HMGCS2: variants seen among roughly 807,000 people sequenced by gnomAD.
The protein encoded by HMGCS2 is hydroxymethylglutaryl-CoA synthase, mitochondrial.
Under a neutral mutation model 57.4 loss-of-function variants are expected in HMGCS2, and 50 were observed. The ratio of observed to expected loss-of-function variants is 0.87; its 90% CI spans 0.69 to 1.10. HMGCS2 has a LOEUF of 1.10. HMGCS2 is among the 50% of genes least tolerant of loss of function. The pLI is 0.00. For missense variants in HMGCS2, 627 were observed against 636.5 expected, an observed-to-expected ratio of 0.99 and a Z score of 0.16; for synonymous variants, 254 against 245.1, an observed-to-expected ratio of 1.04 and a Z score of -0.34.
chr1:119,749,572 C>A (rs866147465), intron 9 of HMGCS2, among the ~76,000 whole-genome samples: 29 of 152,152 alleles, frequency 1.9e-4, no homozygotes, highest in South Asian at 6.2e-4. Context: ...TCAAAGGCAT[C>A]CTGCGGCCCT....
chr1:119,748,570 A>T lies in HMGCS2; in HGVS notation c.*277T>A, dbSNP rs893973335. ...GCACATTTCTGGAGTCCAGTGATTC[A>T]GGAAGAGGTCTTCTCTCCATTGCTC... On this transcript the variant is annotated 3_prime_UTR_variant, in exon 10 of 10. Transcript: ENST00000369406. The T allele has an allele frequency of 1.3e-5, 2 of 152,230 alleles. No homozygotes were observed. Among genetic ancestry groups the T allele is most frequent in the African/African-American group, 4.8e-5 (2 of 41,444 alleles). The allele number at this position is 152,230 out of a possible 1,614,324, so 9.4% of individuals were successfully genotyped here. A position where few individuals can be genotyped will look rare whatever the true frequency, so the allele number is the denominator to read the frequency against.
At chr1:119,756,972 C>T (rs587624512) in intron 5 of HMGCS2, among the ~76,000 whole-genome samples, 1 of 152,292 alleles carries the variant, frequency 6.6e-6, no homozygotes, top group Admixed American at 6.5e-5. Context: ...TAGCTACTCT[C>T]TTTCTCCCTT....
In HMGCS2 at chr1:119,755,220, C is replaced by T. The variant is rs587725971; in HGVS notation, c.1187+207G>A. 2.6e-4 allele frequency among the ~76,000 whole-genome samples: 39 copies of T among 152,236 alleles called. 1 individual carries two copies. The highest frequency in any genetic ancestry group is 1.6e-3 in the Admixed American group (24 of 15,282). ...ATGAGGTTTCACCACGTTGCCCAGGCGGGTCTCGAACTCCTAGGTTCAGGC... is the reference window on the plus strand; with the variant it reads ...ATGAGGTTTCACCACGTTGCCCAGGTGGGTCTCGAACTCCTAGGTTCAGGC... On this transcript the variant is annotated intron_variant, in intron 6 of 9. Coordinates refer to ENST00000369406, the MANE Select transcript of HMGCS2 (RefSeq NM_005518.4).
intron 2 of HMGCS2, among the ~76,000 whole-genome samples, chr1:119,762,411 TG>T (rs1360776322): frequency 6.6e-6 from 1 of 151,102 alleles, no homozygotes; most frequent in African/African-American, 2.4e-5. Flanking sequence ...TGTATGTGTA[TG>T]TTTTTTTCCA....
intron 4 of HMGCS2, 105 bp downstream of exon 4, chr1:119,759,013 C>T (rs1652943107): frequency 3.6e-6 from 4 of 1,115,550 alleles, no homozygotes; most frequent in South Asian, 2.5e-5. Flanking sequence ...ATTCTCTTGA[C>T]ATTATTTTCA....
At chr1:119,752,511 T>C in intron 8 of HMGCS2, 38 bp downstream of exon 8, 4 of 1,609,524 alleles carry the variant, frequency 2.5e-6, no homozygotes, top group Non-Finnish European at 1.7e-6. Flanking sequence ...GCTACTGGAA[T>C]GGGGTCTCTC....
intron 5 of HMGCS2, among the ~76,000 whole-genome samples, 170 bp downstream of exon 5, chr1:119,757,103 C>T (rs1652866895): frequency 6.6e-6 from 1 of 152,130 alleles, no homozygotes; most frequent in South Asian, 2.1e-4. Context: ...AGGGCCCTAC[C>T]CAGACAATAA....
chr1:119,768,149 T>A (rs922508789), intron 1 of HMGCS2, among the ~76,000 whole-genome samples: 6 of 152,206 alleles, frequency 3.9e-5, no homozygotes, highest in South Asian at 4.1e-4. Context: ...TGTGTTACCA[T>A]CATCGCTGAC....
chr1:119,767,289 T>C (rs752515143), intron 1 of HMGCS2, among the ~76,000 whole-genome samples: 11 of 152,004 alleles, frequency 7.2e-5, no homozygotes, highest in Non-Finnish European at 7.4e-5. Context: ...TTTCAGTGGG[T>C]TGGAGGATCA....
chr1:119,760,079 T>A, intron 2 of HMGCS2, 90 bp from the exon 3 acceptor site: 1 of 1,200,952 alleles, frequency 8.3e-7, no homozygotes, highest in Non-Finnish European at 1.2e-6. Context: ...TTCTAGGTCC[T>A]GGATATAGAG....
intron 4 of HMGCS2, 40 bp downstream of exon 4, chr1:119,759,078 G>A (rs373086836): frequency 2.4e-4 from 389 of 1,607,076 alleles, no homozygotes; most frequent in Non-Finnish European, 3.1e-4. Context: ...CTTGGCCTAT[G>A]TAAATAGAGC....
At chr1:119,755,066 G>A (rs2101253361) in intron 6 of HMGCS2, among the ~76,000 whole-genome samples, 1 of 151,776 alleles carries the variant, frequency 6.6e-6, no homozygotes, top group South Asian at 2.1e-4. Context: ...ATCCAGGTTG[G>A]AGTCCAATGA....
rs747387561 is a variant in HMGCS2, at chr1:119,759,846, T to C, written c.685+18A>G. On this transcript the variant is annotated intron_variant, in intron 3 of 9. Coordinates refer to ENST00000369406, the MANE Select transcript of HMGCS2 (RefSeq NM_005518.4). The stretch of plus-strand genomic sequence containing the variant: ...GGCTATGCCATGCACAGCCTCTTGG[T>C]AATGGATTACTACAAACCTCGCTCC... 130 of 1,613,772 alleles carry C rather than the reference T, an allele frequency of 8.1e-5. No individual in the cohort carries two copies. The highest frequency in any genetic ancestry group is 1.1e-4 in the Non-Finnish European group (127 of 1,179,864).
In HMGCS2 at chr1:119,758,777, C is replaced by T. The variant is rs141549784; in HGVS notation, c.850+341G>A. 2.2e-4 allele frequency among the ~76,000 whole-genome samples: 34 copies of T among 152,348 alleles called. No homozygotes were observed. In the East Asian group the frequency reaches 5.4e-3, roughly 24 times the overall value. On this transcript the variant is annotated intron_variant, in intron 4 of 9. Transcript: ENST00000369406. ...AAGAGCCAAACCATGCCTGACTTAA[C>T]CAGAAACAAATGCCAACCACTGTCG...
chr1:119,768,637 A>C, intron 1 of HMGCS2, 104 bp downstream of exon 1: 1 of 842,004 alleles, frequency 1.2e-6, no homozygotes, highest in African/African-American at 1.7e-5. Flanking sequence ...GCTGCTGTGC[A>C]CAAGCCTTGC....
chr1:119,755,723 C>T (rs1652817370), intron 5 of HMGCS2, 126 bp from the exon 6 acceptor site: 1 of 855,878 alleles, frequency 1.2e-6, no homozygotes, highest in African/African-American at 1.7e-5. Context: ...TTTGGAAATA[C>T]AGAACAGTAC....
intron 2 of HMGCS2, among the ~76,000 whole-genome samples, chr1:119,761,808 TA>T (rs946799591): frequency 6.6e-6 from 1 of 151,696 alleles, no homozygotes; most frequent in African/African-American, 2.4e-5. Context: ...AGCTATATAA[TA>T]AAAAAAGGCC....
intron 2 of HMGCS2, among the ~76,000 whole-genome samples, chr1:119,762,836 C>A (rs933086639): frequency 6.6e-6 from 1 of 151,984 alleles, no homozygotes; most frequent in African/African-American, 2.4e-5. Context: ...TGTGGAATAC[C>A]CAGCCCCTCA....
At chr1:119,759,771 T>G (rs1652974414) in intron 3 of HMGCS2, 93 bp downstream of exon 3, 1 of 1,493,426 alleles carries the variant, frequency 6.7e-7, no homozygotes, top group South Asian at 1.1e-5. Flanking sequence ...AACGCATACC[T>G]CAGCCCTGAG....
Sources: allele counts gnomAD v4.1 joint callset (sites outside exome capture counted in the v4.1 genomes callset), GRCh38; gene constraint gnomAD v4.1.1; transcripts MANE v1.5; gene names NCBI Gene and HGNC (gene_info 2026-07-23, HGNC 2026-07-21).